The following SPOCK3 variants were observed in gnomAD, a reference collection of about 807,000 sequenced individuals.
SPOCK3 encodes testican-3.
A neutral mutation model predicts 56.6 loss-of-function variants in SPOCK3; 30 were observed. The ratio of observed to expected loss-of-function variants is 0.53; its 90% CI spans 0.40 to 0.72. The LOEUF (loss-of-function observed/expected upper bound fraction) is 0.72. Among genes scored for constraint, SPOCK3 ranks in the 30% least tolerant of loss-of-function variants. The pLI is 0.00. For missense variants in SPOCK3, 527 were observed against 530.0 expected, an observed-to-expected ratio of 0.99 and a Z score of 0.06; for synonymous variants, 196 against 183.3, an observed-to-expected ratio of 1.07 and a Z score of -0.56.
intron 2 of SPOCK3, among the ~76,000 whole-genome samples, chr4:167,212,634 T>A (rs990000194): frequency 6.6e-6 from 1 of 152,190 alleles, no homozygotes; most frequent in African/African-American, 2.4e-5. Flanking sequence ...TCTATTCCTA[T>A]TGCTTTGATA....
At chr4:167,195,993 C>T (rs1255256329) in intron 2 of SPOCK3, among the ~76,000 whole-genome samples, 1 of 152,138 alleles carries the variant, frequency 6.6e-6, no homozygotes, top group African/African-American at 2.4e-5. Context: ...TTTTAGATTA[C>T]CATAATCCTC....
At chr4:167,011,309 A>G (rs1750033467) in intron 3 of SPOCK3, 1 of 455,916 alleles carries the variant, frequency 2.2e-6, no homozygotes. Context: ...AGAGCTGGAA[A>G]TGTCATCAGT....
At chr4:166,873,293 G>A (rs1392914147) in intron 6 of SPOCK3, among the ~76,000 whole-genome samples, 1 of 151,678 alleles carries the variant, frequency 6.6e-6, no homozygotes, top group Non-Finnish European at 1.5e-5. Context: ...TTATGGCAAT[G>A]AACTACTTTG....
chr4:166,817,322 C>T (rs1744477245), intron 6 of SPOCK3, among the ~76,000 whole-genome samples: 1 of 152,050 alleles, frequency 6.6e-6, no homozygotes, highest in Non-Finnish European at 1.5e-5. Flanking sequence ...TGTTCCAGGA[C>T]ATAAGCAAAC....
chr4:167,092,778 A>C (rs1758812536), intron 2 of SPOCK3, among the ~76,000 whole-genome samples: 1 of 152,160 alleles, frequency 6.6e-6, no homozygotes, highest in African/African-American at 2.4e-5. Context: ...ATAATAGAGA[A>C]AATTTTCCAT....
At chr4:166,794,852 AG>A (rs1201148355) in intron 6 of SPOCK3, among the ~76,000 whole-genome samples, 8 of 152,012 alleles carry the variant, frequency 5.3e-5, no homozygotes, top group African/African-American at 1.9e-4. Flanking sequence ...CATGTTAGCC[AG>A]GCTTGTCTCG....
At chr4:167,044,808 G>A (rs1045660253) in intron 3 of SPOCK3, among the ~76,000 whole-genome samples, 1 of 152,020 alleles carries the variant, frequency 6.6e-6, no homozygotes, top group Non-Finnish European at 1.5e-5. Context: ...ACTTTAATTT[G>A]TCCAGGTGTG....
At chr4:166,806,709 A>G (rs1743201560) in intron 6 of SPOCK3, among the ~76,000 whole-genome samples, 2 of 151,998 alleles carry the variant, frequency 1.3e-5, no homozygotes, top group Admixed American at 1.3e-4. Context: ...GTTTCATACT[A>G]TTAATGCATT....
At chr4:167,227,864 A>G (rs1481936153) in intron 2 of SPOCK3, among the ~76,000 whole-genome samples, 1 of 152,186 alleles carries the variant, frequency 6.6e-6, no homozygotes, top group African/African-American at 2.4e-5. Context: ...GAGTAGCAAC[A>G]TAAATGCTCT....
chr4:167,142,297 C>A (rs958284138), intron 2 of SPOCK3, among the ~76,000 whole-genome samples: 63 of 151,752 alleles, frequency 4.2e-4, no homozygotes, highest in African/African-American at 1.4e-3. Flanking sequence ...GAGATGAGAA[C>A]CCAGGCTGGC....
chr4:166,963,019 C>A (rs887403590), intron 4 of SPOCK3, among the ~76,000 whole-genome samples: 7 of 152,028 alleles, frequency 4.6e-5, no homozygotes, highest in African/African-American at 1.7e-4. Flanking sequence ...CATTCACACA[C>A]ACTATGTTCT....
At chr4:167,108,062 A>G (rs895381793) in intron 2 of SPOCK3, among the ~76,000 whole-genome samples, 23 of 151,968 alleles carry the variant, frequency 1.5e-4, no homozygotes, top group African/African-American at 5.3e-4. Flanking sequence ...TATGCTCAAT[A>G]TCATTCATCA....
At chr4:166,879,390 G>C (rs901974164) in intron 6 of SPOCK3, among the ~76,000 whole-genome samples, 1 of 151,992 alleles carries the variant, frequency 6.6e-6, no homozygotes, top group African/African-American at 2.4e-5. Flanking sequence ...AAATAAATTA[G>C]CCAGGCATGG....
chr4:166,994,423 T>C (rs1429948362), intron 4 of SPOCK3, among the ~76,000 whole-genome samples: 1 of 152,142 alleles, frequency 6.6e-6, no homozygotes, highest in East Asian at 1.9e-4. Flanking sequence ...CCAGGCATTC[T>C]GTCTCTGGCC....
chr4:167,019,862 A>G (rs73861920), intron 3 of SPOCK3, among the ~76,000 whole-genome samples: 4,351 of 152,202 alleles, frequency 0.029, 184 homozygotes, highest in African/African-American at 0.098. Flanking sequence ...GACTCATCCC[A>G]TAATTATCTC....
chr4:166,889,370 C>G, intron 5 of SPOCK3, 126 bp from the exon 6 acceptor site: 1 of 614,930 alleles, frequency 1.6e-6, no homozygotes, highest in Non-Finnish European at 2.9e-6. Context: ...CCAGGTAATA[C>G]GTCTCCAATA....
intron 4 of SPOCK3, among the ~76,000 whole-genome samples, chr4:166,939,877 T>C (rs931923370): frequency 3.9e-5 from 6 of 152,344 alleles, no homozygotes; most frequent in South Asian, 2.1e-4. Context: ...TTTAAGGCCA[T>C]TGGTACTAGA....
intron 6 of SPOCK3, among the ~76,000 whole-genome samples, chr4:166,879,178 T>C (rs773747091): frequency 6.6e-6 from 1 of 152,052 alleles, no homozygotes; most frequent in Non-Finnish European, 1.5e-5. Flanking sequence ...ATTAAGGAAA[T>C]GTCTCTTCAC....
chr4:166,939,706 T>C (rs1338666736), intron 4 of SPOCK3, among the ~76,000 whole-genome samples: 1 of 152,210 alleles, frequency 6.6e-6, no homozygotes, highest in Non-Finnish European at 1.5e-5. Context: ...ATTGATCTTA[T>C]CTAGTCACCT....
Sources: allele counts gnomAD v4.1 joint callset (sites outside exome capture counted in the v4.1 genomes callset), GRCh38; gene constraint gnomAD v4.1.1; transcripts MANE v1.5; gene names NCBI Gene and HGNC (gene_info 2026-07-23, HGNC 2026-07-21).